The following FHIT variants were observed in gnomAD, a reference collection of about 807,000 sequenced individuals.
FHIT encodes fragile histidine triad diadenosine triphosphatase, also known as bis(5'-adenosyl)-triphosphatase.
Under a neutral mutation model 17.9 loss-of-function variants are expected in FHIT, and 19 were observed. The ratio of observed to expected loss-of-function variants is 1.06; its 90% CI spans 0.74 to 1.56. The LOEUF (loss-of-function observed/expected upper bound fraction) is 1.56, where lower values mean the gene tolerates loss of function less well. Ranked by LOEUF, FHIT falls within the 40% of genes most tolerant of loss-of-function variation. FHIT has a pLI of 0.00. For synonymous variants in FHIT, 81 were observed against 69.7 expected (o/e 1.16, Z -0.81); for missense variants, 248 against 189.2 (o/e 1.31, Z -1.82).
At chr3:60,409,203 T>G (rs1253743498) in intron 5 of FHIT, among the ~76,000 whole-genome samples, 1 of 152,200 alleles carries the variant, frequency 6.6e-6, no homozygotes, top group African/African-American at 2.4e-5. Flanking sequence ...AAATTATAAT[T>G]AAAGCATTGG....
At chr3:60,091,147 C>T (rs1382840951) in intron 5 of FHIT, among the ~76,000 whole-genome samples, 2 of 152,120 alleles carry the variant, frequency 1.3e-5, no homozygotes, top group African/African-American at 4.8e-5. Context: ...TCAACTGAAA[C>T]AGAGTTGACA....
chr3:60,050,072 T>C (rs1330073468), intron 5 of FHIT, among the ~76,000 whole-genome samples: 1 of 152,196 alleles, frequency 6.6e-6, no homozygotes, highest in East Asian at 1.9e-4. Flanking sequence ...AAGTTCCCCT[T>C]TCGTAAACTG....
chr3:60,543,907 C>CTTTTTTTTTTTTTTTTTTTTTTTTTT (rs71092612), intron 4 of FHIT, among the ~76,000 whole-genome samples: 11 of 52,062 alleles, frequency 2.1e-4, no homozygotes, highest in African/African-American at 2.9e-4. Flanking sequence ...CCACGCCCGG[C>CTTTTTTTTTTTTTTTTTTTTTTTTTT]TTTTTTTTTT....
intron 7 of FHIT, among the ~76,000 whole-genome samples, chr3:60,008,491 A>G (rs922515636): frequency 6.6e-6 from 1 of 152,168 alleles, no homozygotes; most frequent in Admixed American, 6.6e-5. Flanking sequence ...AAAACCCTAC[A>G]GTGGTATCAT....
intron 5 of FHIT, among the ~76,000 whole-genome samples, chr3:60,436,269 C>T (rs1002664358): frequency 3.9e-5 from 6 of 152,016 alleles, no homozygotes; most frequent in Admixed American, 2.6e-4. Flanking sequence ...AGGATGGTCT[C>T]AGACTCCTGA....
At chr3:60,774,712 G>T (rs1700161213) in intron 4 of FHIT, among the ~76,000 whole-genome samples, 1 of 152,106 alleles carries the variant, frequency 6.6e-6, no homozygotes, top group Admixed American at 6.5e-5. Context: ...AGTAAAATAA[G>T]GGTTCCTTGA....
At chr3:60,802,612 T>G (rs1701232485) in intron 4 of FHIT, among the ~76,000 whole-genome samples, 1 of 152,204 alleles carries the variant, frequency 6.6e-6, no homozygotes, top group Non-Finnish European at 1.5e-5. Flanking sequence ...TGTTTTTTTG[T>G]TTTTTGTTTT....
chr3:60,572,512 A>C (rs571109782), intron 4 of FHIT, among the ~76,000 whole-genome samples: 1 of 152,124 alleles, frequency 6.6e-6, no homozygotes, highest in African/African-American at 2.4e-5. Flanking sequence ...TATTTTCAGA[A>C]AGATCACACA....
At chr3:60,265,237 C>T (rs975872210) in intron 5 of FHIT, among the ~76,000 whole-genome samples, 1 of 146,954 alleles carries the variant, frequency 6.8e-6, no homozygotes, top group African/African-American at 2.5e-5. Context: ...AACATACATG[C>T]TGAAAATGAA....
intron 5 of FHIT, among the ~76,000 whole-genome samples, chr3:60,324,573 G>GGAAAAAAAAAA (rs757433390): frequency 1.6e-5 from 2 of 128,858 alleles, no homozygotes; most frequent in African/African-American, 5.9e-5. Flanking sequence ...GACTCCATCA[G>GGAAAAAAAAAA]AAAAAAAAAA....
At chr3:60,535,295 T>C (rs1311037889) in intron 5 of FHIT, among the ~76,000 whole-genome samples, 2 of 152,224 alleles carry the variant, frequency 1.3e-5, no homozygotes, top group Non-Finnish European at 2.9e-5. Context: ...AGAGTGAATT[T>C]AGACAAATGG....
chr3:59,753,827 T>C (rs1296660076), intron 8 of FHIT, among the ~76,000 whole-genome samples: 1 of 152,162 alleles, frequency 6.6e-6, no homozygotes, highest in Non-Finnish European at 1.5e-5. Flanking sequence ...AGCTAGGTAG[T>C]GGGGTAGGTG....
chr3:59,878,694 T>C (rs1428403366), intron 8 of FHIT, among the ~76,000 whole-genome samples: 2 of 152,190 alleles, frequency 1.3e-5, no homozygotes, highest in Non-Finnish European at 2.9e-5. Flanking sequence ...TTATTAACTG[T>C]GTGATCACAC....
At chr3:60,765,956 T>C (rs2108063934) in intron 4 of FHIT, among the ~76,000 whole-genome samples, 1 of 152,266 alleles carries the variant, frequency 6.6e-6, no homozygotes, top group Non-Finnish European at 1.5e-5. Flanking sequence ...ACTCAGGAAC[T>C]TGCAACAGTG....
At chr3:60,893,714 AC>A (rs1705635775) in intron 3 of FHIT, among the ~76,000 whole-genome samples, 1 of 152,192 alleles carries the variant, frequency 6.6e-6, no homozygotes, top group African/African-American at 2.4e-5. Flanking sequence ...CTGCCACTGC[AC>A]CTGACCTAGC....
chr3:60,617,670 C>G (rs565012497), intron 4 of FHIT: 1 of 153,752 alleles, frequency 6.5e-6, no homozygotes, highest in East Asian at 1.9e-4. Flanking sequence ...ACACAAATAT[C>G]AAACAGAAGC....
chr3:60,190,975 T>C (rs564520470), intron 5 of FHIT, among the ~76,000 whole-genome samples: 2 of 152,114 alleles, frequency 1.3e-5, no homozygotes, highest in Non-Finnish European at 2.9e-5. Context: ...TGAAGTTGTG[T>C]CTTTTTCCTG....
rs139912935 is a variant in FHIT at position 60,981,625 on chromosome 3, T to C, written c.-111+60422A>G. On this transcript the variant is annotated intron_variant, in intron 3 of 9. Coordinates refer to ENST00000492590, the MANE Select transcript of FHIT (RefSeq NM_002012.4). ...GGTGCCCAGCCACTTCTTTCCTTTT[T>C]TGAGACAGGGTCTTGCTCTGTTGCC... Among the ~76,000 whole-genome samples, 1,047 of 152,200 alleles carry C rather than the reference T, an allele frequency of 6.9e-3. 14 individuals are homozygous for C. The highest frequency in any genetic ancestry group is 0.024 in the African/African-American group (1,007 of 41,530).
intron 5 of FHIT, among the ~76,000 whole-genome samples, chr3:60,325,160 G>A (rs949746945): frequency 1.3e-5 from 2 of 152,078 alleles, no homozygotes; most frequent in South Asian, 2.1e-4. Flanking sequence ...GATTAAAGAA[G>A]AAAAACATAC....
Sources: gnomAD v4.1 joint callset for allele counts (sites outside exome capture counted in the v4.1 genomes callset) on GRCh38, gnomAD v4.1.1 for gene constraint, MANE v1.5 for transcripts, NCBI Gene and HGNC (gene_info 2026-07-23, HGNC 2026-07-21) for gene names.